Variants in AP4B1 observed in about 807,000 individuals in gnomAD.
AP4B1 encodes AP-4 complex subunit beta-1.
In AP4B1, 49 loss-of-function variants were observed where a neutral mutation model predicts 76.5. That is an observed-to-expected ratio of 0.64 (90% confidence interval 0.51 to 0.81). The LOEUF is 0.81. Ranked by LOEUF, AP4B1 falls within the 40% of genes least tolerant of loss-of-function variation. The pLI, the probability that AP4B1 is intolerant of heterozygous loss-of-function variation, is 0.00. For missense variants in AP4B1, 911 were observed against 904.9 expected, an observed-to-expected ratio of 1.01 and a Z score of -0.09; for synonymous variants, 330 against 333.3, an observed-to-expected ratio of 0.99 and a Z score of 0.11.
At chr1:113,900,675 A>T in intron 4 of AP4B1, 1 of 482,174 alleles carries the variant, frequency 2.1e-6, no homozygotes, top group Non-Finnish European at 3.7e-6. Context: ...ATTTTAAGAC[A>T]CTATAAATGG....
upstream of AP4B1, chr1:113,904,949 C>A (rs932513140): frequency 2.0e-6 from 1 of 506,988 alleles, no homozygotes; most frequent in African/African-American, 1.9e-5. Context: ...TACCGTCGGC[C>A]GGCAGGCCGT....
chr1:113,897,945 TAC>T lies in AP4B1; in HGVS notation c.1199-4_1199-3del. On this transcript the variant is annotated splice_polypyrimidine_tract_variant and splice_region_variant and intron_variant, in intron 6 of 9. Transcript: ENST00000369569. Reference sequence around the variant, plus strand: ...GGTCTCGGAAAGTCTGCACCACCACTACAATACAGGCCAGGGTACAAGAGCAC... The same window carrying T: ...GGTCTCGGAAAGTCTGCACCACCACTAATACAGGCCAGGGTACAAGAGCAC... The T allele has an allele frequency of 6.2e-7, 1 of 1,614,064 alleles. No homozygotes were observed.
At chr1:113,896,151 T>C (rs1386673379) in intron 8 of AP4B1, 107 bp downstream of exon 8, 3 of 1,593,498 alleles carry the variant, frequency 1.9e-6, no homozygotes, top group African/African-American at 2.7e-5. Flanking sequence ...CTAGGAAGCA[T>C]TCACATTTTC....
chr1:113,900,564 C>A (rs919483281), intron 4 of AP4B1, 164 bp from the exon 5 acceptor site: 2 of 862,750 alleles, frequency 2.3e-6, no homozygotes, highest in South Asian at 3.6e-5. Flanking sequence ...TTAAAGTTTA[C>A]ACAAAAAAGG....
At chr1:113,897,142 CAAAAAA>C (rs5777170) in intron 7 of AP4B1, 2 of 115,076 alleles carry the variant, frequency 1.7e-5, no homozygotes, top group Admixed American at 1.9e-4. Flanking sequence ...GACTCTGTTT[CAAAAAA>C]AAAAAAAAAG....
At position 113,896,240 on chromosome 1, in the gene AP4B1, T is replaced by C; in HGVS notation, c.1510+18A>G. 1 of 1,613,708 alleles carries C rather than the reference T, an allele frequency of 6.2e-7. No individual in the cohort carries two copies. The highest frequency in any genetic ancestry group is 8.5e-7 in the Non-Finnish European group (1 of 1,179,596). On this transcript the variant is annotated intron_variant, in intron 8 of 9. Coordinates refer to ENST00000369569, the MANE Select transcript of AP4B1 (RefSeq NM_001253852.3). The stretch of plus-strand genomic sequence containing the variant: ...ACTATGGGTCATGGCAAATACTATT[T>C]CCTTCTGAAAAACCCACCTATGCAG...
At chr1:113,897,587 C>T in intron 7 of AP4B1, 1 of 506,766 alleles carries the variant, frequency 2.0e-6, no homozygotes. Flanking sequence ...CTATCTCAAG[C>T]AAAGCAAAAC....
Position 113,894,845 on chromosome 1 carries a change from T to C in AP4B1, c.*220A>G. The stretch of plus-strand genomic sequence containing the variant: ...CCTCAACGCATCTCCTTACCAACAT[T>C]AACCTCTACAACATCATCACTGAAA... On this transcript the variant is annotated 3_prime_UTR_variant, in exon 10 of 10. Transcript: ENST00000369569. The C allele has an allele frequency of 1.8e-6, 1 of 543,660 alleles. No individual in the cohort carries two copies. The highest frequency in any genetic ancestry group is 3.3e-6 in the Non-Finnish European group (1 of 305,668). The allele number at this position is 543,660 out of a possible 1,614,324, so 33.7% of individuals were successfully genotyped here. A position where few individuals can be genotyped will look rare whatever the true frequency, so the allele number is the denominator to read the frequency against.
chr1:113,897,804 C>T, intron 7 of AP4B1, 36 bp downstream of exon 7: 1 of 1,605,692 alleles, frequency 6.2e-7, no homozygotes, highest in Non-Finnish European at 8.5e-7. Context: ...CAAGCATTCT[C>T]CCCCTACCTA....
Position 113,895,740 on chromosome 1 carries a change from G to A in AP4B1, c.1792+17C>T, listed in dbSNP as rs1667386307. On this transcript the variant is annotated intron_variant, in intron 9 of 9. Coordinates refer to ENST00000369569, the MANE Select transcript of AP4B1 (RefSeq NM_001253852.3). ...AAGATTTATCATGACAAGATTTAAG[G>A]TAAGGACTGTTTTTACCTGATGCGG... 2 of 1,613,816 alleles carry A rather than the reference G, an allele frequency of 1.2e-6. No individual in the cohort carries two copies. Among genetic ancestry groups the A allele is most frequent in the Admixed American group, 3.3e-5 (2 of 60,000 alleles).
intron 4 of AP4B1, 190 bp from the exon 5 acceptor site, chr1:113,900,590 T>C: frequency 1.5e-6 from 1 of 685,664 alleles, no homozygotes; most frequent in Non-Finnish European, 2.4e-6. Context: ...AATTCCAAGA[T>C]GAGTTGTTAA....
rs1019404132 is a variant in AP4B1 at position 113,894,230 on chromosome 1, G to T, written c.*835C>A. ...CCATCATTTTATTAGATTTGTTCTTGCCATAAGTTGCTTCAATGTACAAAA... is the reference window on the plus strand; with the variant it reads ...CCATCATTTTATTAGATTTGTTCTTTCCATAAGTTGCTTCAATGTACAAAA... On this transcript the variant is annotated 3_prime_UTR_variant, in exon 10 of 10. Coordinates refer to ENST00000369569, the MANE Select transcript of AP4B1 (RefSeq NM_001253852.3). Among the ~76,000 whole-genome samples, 10 of 152,212 alleles carry T rather than the reference G, an allele frequency of 6.6e-5. No individual in the cohort carries two copies. Among genetic ancestry groups the T allele is most frequent in the Middle Eastern group, 6.8e-3 (2 of 294 alleles).
At chr1:113,903,581 TCTGACA>T (rs1490319147) in intron 1 of AP4B1, among the ~76,000 whole-genome samples, 1 of 152,104 alleles carries the variant, frequency 6.6e-6, no homozygotes, top group Non-Finnish European at 1.5e-5. Flanking sequence ...GATTCAGAGG[TCTGACA>T]CTGGCAGGAA....
chr1:113,899,098 T>C (rs2101018050), intron 5 of AP4B1: 2 of 1,216,354 alleles, frequency 1.6e-6, no homozygotes, highest in African/African-American at 1.6e-5. Flanking sequence ...CAGCCAGATA[T>C]GAGGTACCCT....
intron 5 of AP4B1, among the ~76,000 whole-genome samples, chr1:113,899,663 T>C (rs1303556227): frequency 6.6e-6 from 1 of 152,176 alleles, no homozygotes; most frequent in African/African-American, 2.4e-5. Flanking sequence ...AGTATTGTAG[T>C]TTGTGTTACC....
intron 8 of AP4B1, 71 bp downstream of exon 8, chr1:113,896,187 C>T (rs1266685731): frequency 1.2e-6 from 2 of 1,602,536 alleles, no homozygotes; most frequent in Non-Finnish European, 1.7e-6. Context: ...CGTGACTCAC[C>T]AAACAATGAA....
chr1:113,897,882 A>G lies in AP4B1; in HGVS notation c.1260T>C (p.Cys420=). Residue 420 remains cysteine, a synonymous_variant, in exon 7 of 10, where the codon TGT becomes TGC. Coordinates refer to ENST00000369569, the MANE Select transcript of AP4B1 (RefSeq NM_001253852.3). ...WLCPQCTEAV[C]QALPGCEENI... ...TCTCTTCACAGCCGGGCAGGGCCTG[A>G]CATACAGCTTCAGTACACTGAGGAC... The G allele has an allele frequency of 3.1e-6, 5 of 1,614,148 alleles. No homozygotes were observed. The highest frequency in any genetic ancestry group is 4.2e-6 in the Non-Finnish European group (5 of 1,180,028).
chr1:113,900,607 T>C (rs1057298417), intron 4 of AP4B1: 16 of 621,156 alleles, frequency 2.6e-5, no homozygotes, highest in Non-Finnish European at 3.9e-5. Context: ...TTAATACAAA[T>C]GCACACTCCT....
In AP4B1 at chr1:113,902,696, A is replaced by T. The variant is rs1259625179; in HGVS notation, c.280T>A (p.Cys94Ser). 6.2e-7 allele frequency: 1 copy of T among 1,614,146 alleles called. No homozygotes were observed. The highest frequency in any genetic ancestry group is 1.7e-5 in the Admixed American group (1 of 60,020). ...CGCACCATTGGATTGGGGTCTGAGC[A>T]GTCTTTGCACAGCGTATTGATGGCC... ...LLAINTLCKD[C>S]SDPNPMVRGL... Residue 94 changes from cysteine (C) to serine (S), a missense_variant, in exon 2 of 10, where the codon TGC becomes AGC. By Grantham distance (112) the Cys-to-Ser change is moderately radical (BLOSUM62 -1). Coordinates refer to ENST00000369569, the MANE Select transcript of AP4B1 (RefSeq NM_001253852.3).
Sources: gnomAD v4.1 joint callset for allele counts (sites outside exome capture counted in the v4.1 genomes callset) on GRCh38, gnomAD v4.1.1 for gene constraint, MANE v1.5 for transcripts, NCBI Gene and HGNC (gene_info 2026-07-23, HGNC 2026-07-21) for gene names.